C1QTNF8: variants seen among roughly 807,000 people sequenced by gnomAD.
C1QTNF8 encodes the protein complement C1q tumor necrosis factor-related protein 8.
In C1QTNF8, 27 loss-of-function variants were observed where a neutral mutation model predicts 19.2. The observed-to-expected ratio is 1.41, with a 90% confidence interval of 1.04 to 1.94. C1QTNF8 has a LOEUF of 1.94. C1QTNF8 is among the 30% of genes most tolerant of loss of function. The pLI is 0.00. For synonymous variants in C1QTNF8, 208 were observed against 172.8 expected (o/e 1.20, Z -1.60); for missense variants, 484 against 374.4 (o/e 1.29, Z -2.42).
chr16:1,089,341 C>G lies in C1QTNF8; in HGVS notation c.*1258G>C, dbSNP rs1054102387. Among the ~76,000 whole-genome samples the G allele has an allele frequency of 3.3e-5, 5 of 152,298 alleles. No homozygotes were observed. In the East Asian group the frequency reaches 9.6e-4, roughly 29 times the overall value. ...TTCAAGCACCTGCCACACTTGACCCCAACAGGCTCCTCCTGGGGATCCCCC... is the reference window on the plus strand; with the variant it reads ...TTCAAGCACCTGCCACACTTGACCCGAACAGGCTCCTCCTGGGGATCCCCC... On this transcript the variant is annotated 3_prime_UTR_variant, in exon 5 of 5. Transcript: ENST00000328449.
chr16:1,093,759 G>A lies in C1QTNF8; in HGVS notation c.501C>T (p.Ser167=). The A allele has an allele frequency of 2.5e-6, 4 of 1,612,250 alleles. No individual in the cohort carries two copies. Among genetic ancestry groups the A allele is most frequent in the African/African-American group, 1.3e-5 (1 of 75,022 alleles). The change falls in exon 4 of 5, where the codon AGC becomes AGT. Residue 167 remains serine (S), a synonymous_variant. Transcript: ENST00000328449. Reference sequence around the variant, plus strand: ...TGTAGTTCCAGGTGTGCACGTTGAGGCTGAGGAAGTAGACGCCGGGCACCG... The same window carrying A: ...TGTAGTTCCAGGTGTGCACGTTGAGACTGAGGAAGTAGACGCCGGGCACCG... ...LCTVPGVYFL[S]LNVHTWNYKE...
chr16:1,094,187 G>A, intron 3 of C1QTNF8, 136 bp from the exon 4 acceptor site: 1 of 670,760 alleles, frequency 1.5e-6, no homozygotes, highest in Non-Finnish European at 2.2e-6. Context: ...CCCTCTCCCA[G>A]TCTCCGCGTC....
intron 1 of C1QTNF8, 55 bp from the exon 2 acceptor site, chr16:1,095,843 T>G (rs1723975391): frequency 6.6e-6 from 1 of 152,268 alleles, no homozygotes; most frequent in Admixed American, 6.5e-5. Flanking sequence ...AGACACCCTC[T>G]GCCTGCCTCC....
Position 1,088,753 on chromosome 16 carries a change from C to T in C1QTNF8, c.*1846G>A, listed in dbSNP as rs1013841173. Among the ~76,000 whole-genome samples, 1 of 152,226 alleles carries T rather than the reference C, an allele frequency of 6.6e-6. No homozygotes were observed. The highest frequency in any genetic ancestry group is 1.5e-5 in the Non-Finnish European group (1 of 68,020). On this transcript the variant is annotated 3_prime_UTR_variant, in exon 5 of 5. Coordinates refer to ENST00000328449, the MANE Select transcript of C1QTNF8 (RefSeq NM_207419.3). The stretch of plus-strand genomic sequence containing the variant: ...ATTCATTAGACACCCCCGCCAGCTT[C>T]CAAGAGACCTTGCACCCCTGCCCGC...
chr16:1,094,819 G>T lies in C1QTNF8; in HGVS notation c.104C>A (p.Pro35His), dbSNP rs762882674. ...PCVHCCRPAWPPGPYARVSDR... is the reference protein window; with the variant it reads ...PCVHCCRPAWHPGPYARVSDR... ...ACTCACCCGGGCATAGGGTCCAGGG[G>T]GCCAGGCCGGGCGGCAGCAGTGCAC... The change falls in exon 3 of 5, where the codon CCC (proline) becomes CAC (histidine). Residue 35 changes from proline to histidine, a missense_variant. Transcript: ENST00000328449. 2 of 1,482,422 alleles carry T rather than the reference G, an allele frequency of 1.3e-6. No individual in the cohort carries two copies. The highest frequency in any genetic ancestry group is 1.8e-6 in the Non-Finnish European group (2 of 1,116,510). The allele number at this position is 1,482,422 out of a possible 1,614,324, so 91.8% of individuals were successfully genotyped here.
chr16:1,093,542 T>C lies in C1QTNF8; in HGVS notation c.718A>G (p.Thr240Ala). The C allele has an allele frequency of 6.4e-7, 1 of 1,567,614 alleles. No individual in the cohort carries two copies. The highest frequency in any genetic ancestry group is 8.7e-7 in the Non-Finnish European group (1 of 1,153,748). The change falls in exon 4 of 5, where the codon ACC (threonine) becomes GCC (alanine). Residue 240 changes from threonine (T) to alanine (A), a missense_variant. By Grantham distance (58) the Thr-to-Ala change is moderately conservative. Coordinates refer to ENST00000328449, the MANE Select transcript of C1QTNF8 (RefSeq NM_207419.3). ...IYGEHGDLYI[T>A]FSGHLVKPAA... ...GGCTTGACCAGGTGGCCGCTGAAGG[T>C]GATGTAGAGGTCTCCGTGCTCGCCG...
At chr16:1,093,228 A>G (rs865968233) in intron 4 of C1QTNF8, among the ~76,000 whole-genome samples, 2 of 97,334 alleles carry the variant, frequency 2.1e-5, no homozygotes, top group Non-Finnish European at 3.8e-5. Context: ...TCAACCAATC[A>G]CAGCACACAG....
rs747559935 is a variant in C1QTNF8 at position 1,093,676 on chromosome 16, T to C, written c.584A>G (p.Gln195Arg). 7.5e-6 allele frequency: 12 copies of C among 1,610,192 alleles called. No homozygotes were observed. The highest frequency in any genetic ancestry group is 2.7e-5 in the African/African-American group (2 of 74,850). The change falls in exon 4 of 5, where the codon CAG (glutamine) becomes CGG (arginine). Residue 195 changes from glutamine to arginine, a missense_variant. By Grantham distance (43) the Gln-to-Arg change is conservative. Coordinates refer to ENST00000328449, the MANE Select transcript of C1QTNF8 (RefSeq NM_207419.3). The part of the protein sequence containing the change: ...NRRPAAVLYA[Q>R]PSERSVMQAQ... ...CTGCATGACGCTGCGCTCGCTGGGC[T>C]GCGCGTAGAGCACGGCCGCGGGCCG...
chr16:1,091,343 G>A (rs866096436), intron 4 of C1QTNF8, among the ~76,000 whole-genome samples: 1 of 152,156 alleles, frequency 6.6e-6, no homozygotes, highest in Non-Finnish European at 1.5e-5. Flanking sequence ...CCCGGGCCCA[G>A]TGGCCGCGCT....
At chr16:1,093,366 C>G (rs1189368608) in intron 4 of C1QTNF8, 131 bp downstream of exon 4, 2 of 584,000 alleles carry the variant, frequency 3.4e-6, no homozygotes, top group Non-Finnish European at 6.0e-6. Context: ...GCTGAAGCTC[C>G]GCTGCCCGCC....
At chr16:1,094,452 T>A (rs997771909) in intron 3 of C1QTNF8, 5 of 482,340 alleles carry the variant, frequency 1.0e-5, no homozygotes, top group Non-Finnish European at 1.5e-5. Flanking sequence ...AAGGGGCTGC[T>A]ACTTTGGGGA....
Position 1,090,342 on chromosome 16 carries a change from G to T in C1QTNF8, c.*257C>A, listed in dbSNP as rs1435923264. Reference sequence around the variant, plus strand: ...GCCCCTCTCCCTGCAGAGGGGCCATGTGTGCACAGCAAATGGCGGGCCCCT... The same window carrying T: ...GCCCCTCTCCCTGCAGAGGGGCCATTTGTGCACAGCAAATGGCGGGCCCCT... On this transcript the variant is annotated 3_prime_UTR_variant, in exon 5 of 5. Coordinates refer to ENST00000328449, the MANE Select transcript of C1QTNF8 (RefSeq NM_207419.3). 6.6e-6 allele frequency: 1 copy of T among 152,400 alleles called. No homozygotes were observed. Among genetic ancestry groups the T allele is most frequent in the African/African-American group, 2.4e-5 (1 of 41,462 alleles). The allele number at this position is 152,400 out of a possible 1,614,324, so 9.4% of individuals were successfully genotyped here.
At chr16:1,091,070 TG>T (rs1229248067) in intron 4 of C1QTNF8, among the ~76,000 whole-genome samples, 1 of 149,172 alleles carries the variant, frequency 6.7e-6, no homozygotes, top group Admixed American at 6.6e-5. Flanking sequence ...GGGGAGGGAG[TG>T]GGGGCAGGGC....
intron 3 of C1QTNF8, among the ~76,000 whole-genome samples, chr16:1,094,340 G>A (rs949983195): frequency 6.6e-5 from 10 of 152,182 alleles, no homozygotes; most frequent in African/African-American, 2.4e-4. Flanking sequence ...GAATGAGAAG[G>A]CTGGGAAGGT....
rs1856828980 is a variant in C1QTNF8 at position 1,089,309 on chromosome 16, C to G, written c.*1290G>C. ...CCCCAGCAGCCCATACCCCCCACCT[C>G]TGGTTCTTCAAGCACCTGCCACACT... On this transcript the variant is annotated 3_prime_UTR_variant, in exon 5 of 5. Coordinates refer to ENST00000328449, the MANE Select transcript of C1QTNF8 (RefSeq NM_207419.3). Among the ~76,000 whole-genome samples the G allele has an allele frequency of 6.6e-6, 1 of 152,086 alleles. No individual in the cohort carries two copies. The highest frequency in any genetic ancestry group is 1.5e-5 in the Non-Finnish European group (1 of 67,988).
intron 3 of C1QTNF8, 155 bp downstream of exon 3, chr16:1,094,560 G>T: frequency 5.5e-6 from 3 of 543,104 alleles, no homozygotes; most frequent in Admixed American, 4.0e-5. Flanking sequence ...TGCGGGGGGA[G>T]CCCAGGGGTC....
In C1QTNF8 at chr16:1,090,602, G is replaced by A. The variant is rs1163532786; in HGVS notation, c.*5-8C>T. ...CCACAGGCGGACGTCTGTCTGTAAG[G>A]AGGGGACGGCACTTCCTGAGGGTGG... On this transcript the variant is annotated splice_polypyrimidine_tract_variant and splice_region_variant and intron_variant, in intron 4 of 4. Transcript: ENST00000328449. The A allele has an allele frequency of 2.0e-5, 3 of 152,412 alleles. No homozygotes were observed. Among genetic ancestry groups the A allele is most frequent in the Non-Finnish European group, 4.4e-5 (3 of 68,204 alleles). The allele number at this position is 152,412 out of a possible 1,614,324, so 9.4% of individuals were successfully genotyped here. A position where few individuals can be genotyped will look rare whatever the true frequency, so the allele number is the denominator to read the frequency against.
intron 4 of C1QTNF8, among the ~76,000 whole-genome samples, chr16:1,091,790 C>T (rs148885404): frequency 6.6e-6 from 1 of 150,916 alleles, no homozygotes; most frequent in Non-Finnish European, 1.5e-5. Flanking sequence ...TGACCCCCTG[C>T]GCTCAGCCGC....
At chr16:1,093,470 C>T (rs752333191) in intron 4 of C1QTNF8, 27 bp downstream of exon 4, 1 of 1,458,396 alleles carries the variant, frequency 6.9e-7, no homozygotes, top group Non-Finnish European at 9.0e-7. Context: ...GCGCGCGCGC[C>T]CGGTGCTCAG....
Sources: gnomAD v4.1 joint callset for allele counts (sites outside exome capture counted in the v4.1 genomes callset) on GRCh38, gnomAD v4.1.1 for gene constraint, MANE v1.5 for transcripts, NCBI Gene and HGNC (gene_info 2026-07-23, HGNC 2026-07-21) for gene names.